The following KCNQ5 variants were observed in gnomAD, a reference collection of about 807,000 sequenced individuals.
KCNQ5 encodes potassium voltage-gated channel subfamily KQT member 5.
KCNQ5 carries 30 observed loss-of-function variants against 98.2 expected under a neutral mutation model. That is an observed-to-expected ratio of 0.31 (90% CI 0.23 to 0.41). KCNQ5 has a LOEUF of 0.41. Among genes scored for constraint, KCNQ5 ranks in the 10% least tolerant of loss-of-function variants. KCNQ5 has a pLI of 1.00. For synonymous variants in KCNQ5, 458 were observed against 449.4 expected (o/e 1.02, Z -0.24); for missense variants, 835 against 1,182.5 (o/e 0.71, Z 4.31).
intron 1 of KCNQ5, among the ~76,000 whole-genome samples, chr6:72,673,698 T>C (rs567723783): frequency 2.0e-5 from 3 of 152,294 alleles, no homozygotes; most frequent in Admixed American, 2.0e-4. Flanking sequence ...CCACTCTTCC[T>C]TTGGACTGTG....
At chr6:72,720,706 A>G (rs1445893492) in intron 1 of KCNQ5, among the ~76,000 whole-genome samples, 4 of 152,216 alleles carry the variant, frequency 2.6e-5, no homozygotes, top group Non-Finnish European at 5.9e-5. Flanking sequence ...GAATGATAAG[A>G]TATTTTACAG....
intron 1 of KCNQ5, among the ~76,000 whole-genome samples, chr6:72,700,520 G>A (rs1381543146): frequency 6.6e-6 from 1 of 152,036 alleles, no homozygotes; most frequent in Non-Finnish European, 1.5e-5. Context: ...CAGTTCTGTG[G>A]TTCTAAACCA....
intron 1 of KCNQ5, among the ~76,000 whole-genome samples, chr6:72,851,322 G>A (rs1211000278): frequency 6.6e-6 from 1 of 152,096 alleles, no homozygotes; most frequent in Non-Finnish European, 1.5e-5. Context: ...ATACAATTTT[G>A]TGTCTCTTGT....
chr6:72,632,993 T>A (rs2098921907), intron 1 of KCNQ5, among the ~76,000 whole-genome samples: 1 of 152,242 alleles, frequency 6.6e-6, no homozygotes, highest in South Asian at 2.1e-4. Flanking sequence ...TTAATTTATT[T>A]GAGAAATCTC....
In KCNQ5 at chr6:73,105,426, G is replaced by T. The variant is rs140427666; in HGVS notation, c.1029+59G>T. The T allele has an allele frequency of 1.1e-3, 1,096 of 984,930 alleles. 5 individuals carry two copies. The African/African-American group carries it at 0.016, about 14-fold the overall frequency. 61.0% of individuals were successfully genotyped at this position (984,930 alleles called of 1,614,324 possible). On this transcript the variant is annotated intron_variant, in intron 6 of 13. Coordinates refer to ENST00000370398, the MANE Select transcript of KCNQ5 (RefSeq NM_019842.4). ...TTAGATCTTAGAGACTTATTAGAGT[G>T]AGCTCTCACAAATTCGTATGCTTGG... is the stretch of plus-strand genomic sequence containing the variant.
chr6:72,939,601 A>G (rs1024444551), intron 1 of KCNQ5, among the ~76,000 whole-genome samples: 1 of 152,170 alleles, frequency 6.6e-6, no homozygotes, highest in Non-Finnish European at 1.5e-5. Context: ...CTTCCAGCCT[A>G]TTCCATACAC....
At chr6:72,635,851 G>A (rs1481333405) in intron 1 of KCNQ5, among the ~76,000 whole-genome samples, 1 of 151,558 alleles carries the variant, frequency 6.6e-6, no homozygotes, top group Admixed American at 6.6e-5. Context: ...CGTAGACTGG[G>A]TACCTAATTT....
intron 6 of KCNQ5, among the ~76,000 whole-genome samples, chr6:73,110,043 A>G (rs192757411): frequency 6.6e-6 from 1 of 152,296 alleles, no homozygotes; most frequent in East Asian, 1.9e-4. Context: ...AACACCTTCT[A>G]GAAATGAAAA....
At chr6:72,918,620 C>T (rs138993191) in intron 1 of KCNQ5, among the ~76,000 whole-genome samples, 25 of 152,094 alleles carry the variant, frequency 1.6e-4, no homozygotes, top group Non-Finnish European at 2.4e-4. Flanking sequence ...AAATTGAGGG[C>T]TGGCTGGCCC....
chr6:72,906,296 C>A (rs1164996090), intron 1 of KCNQ5, among the ~76,000 whole-genome samples: 1 of 152,134 alleles, frequency 6.6e-6, no homozygotes. Flanking sequence ...GCAAGCAGGG[C>A]TGAGAACTTG....
At chr6:73,009,144 A>G (rs1769947624) in intron 2 of KCNQ5, among the ~76,000 whole-genome samples, 1 of 151,914 alleles carries the variant, frequency 6.6e-6, no homozygotes, top group Non-Finnish European at 1.5e-5. Context: ...GGCACGCACC[A>G]CCACTCCCAG....
rs533548688 is a variant in KCNQ5 at position 72,988,652 on chromosome 6, T to TC, written c.399-15256_399-15255insC. ...TGGGGAAAAAAAGCATGATTTTCTTTTTTTTTTTTTTTTTTATTATACTCT... is the reference window on the plus strand; with the variant it reads ...TGGGGAAAAAAAGCATGATTTTCTTTCTTTTTTTTTTTTTTTATTATACTCT... On this transcript the variant is annotated intron_variant, in intron 1 of 13. Transcript: ENST00000370398. 2.2e-3 allele frequency among the ~76,000 whole-genome samples: 334 copies of TC among 148,650 alleles called. 3 individuals carry two copies. The highest frequency in any genetic ancestry group is 7.8e-3 in the African/African-American group (315 of 40,260).
At chr6:73,029,128 CAAT>C (rs977090752) in intron 2 of KCNQ5, among the ~76,000 whole-genome samples, 4 of 152,218 alleles carry the variant, frequency 2.6e-5, no homozygotes, top group African/African-American at 9.6e-5. Context: ...TGTATGACAG[CAAT>C]AATATTCCAA....
chr6:73,068,791 G>A (rs1773180140), intron 3 of KCNQ5, among the ~76,000 whole-genome samples: 1 of 152,130 alleles, frequency 6.6e-6, no homozygotes, highest in Non-Finnish European at 1.5e-5. Flanking sequence ...TTAGGTATGA[G>A]CTGGGAGGAG....
At chr6:72,641,839 T>G (rs1317352658) in intron 1 of KCNQ5, among the ~76,000 whole-genome samples, 1 of 152,024 alleles carries the variant, frequency 6.6e-6, no homozygotes, top group Non-Finnish European at 1.5e-5. Flanking sequence ...CTGTGTGTGC[T>G]TCTTCAGGCA....
intron 1 of KCNQ5, among the ~76,000 whole-genome samples, chr6:72,820,099 A>G (rs890596232): frequency 6.6e-6 from 1 of 152,234 alleles, no homozygotes; most frequent in Non-Finnish European, 1.5e-5. Context: ...CATTAAGGAC[A>G]GATGCTTCCA....
intron 1 of KCNQ5, among the ~76,000 whole-genome samples, chr6:72,933,940 G>A (rs759787116): frequency 6.6e-6 from 1 of 152,136 alleles, no homozygotes; most frequent in Non-Finnish European, 1.5e-5. Context: ...GCAAATAAAT[G>A]TAATTAAACA....
intron 1 of KCNQ5, among the ~76,000 whole-genome samples, chr6:72,737,528 T>C (rs1176581405): frequency 6.6e-6 from 1 of 151,708 alleles, no homozygotes; most frequent in Non-Finnish European, 1.5e-5. Context: ...TTCCTGAGAG[T>C]GTCTGAGAGA....
intron 1 of KCNQ5, among the ~76,000 whole-genome samples, chr6:72,855,303 T>TA (rs3035182): frequency 1.1e-4 from 17 of 150,322 alleles, no homozygotes; most frequent in African/African-American, 2.4e-4. Flanking sequence ...ACTAGATACT[T>TA]AAAAAAAAAA....
Sources: allele counts gnomAD v4.1 joint callset (sites outside exome capture counted in the v4.1 genomes callset), GRCh38; gene constraint gnomAD v4.1.1; transcripts MANE v1.5; gene names NCBI Gene and HGNC (gene_info 2026-07-23, HGNC 2026-07-21).